Variants in ITGA4 observed in about 807,000 individuals in gnomAD.
ITGA4 encodes integrin subunit alpha 4.
A neutral mutation model predicts 133.6 loss-of-function variants in ITGA4; 63 were observed. The observed-to-expected ratio is 0.47, with a 90% CI of 0.38 to 0.58. ITGA4 has a LOEUF of 0.58. Among genes scored for constraint, ITGA4 ranks in the 20% least tolerant of loss-of-function variants. ITGA4 has a pLI of 0.00. For synonymous variants in ITGA4, 483 were observed against 438.0 expected (o/e 1.10, Z -1.28); for missense variants, 1,076 against 1,252.7 (o/e 0.86, Z 2.13).
In ITGA4 at chr2:181,460,566, A is replaced by AGTGTGTGTGT. The variant is rs61016862; in HGVS notation, c.319+2277_319+2286dup. The stretch of plus-strand genomic sequence containing the variant: ...ATATATAAGCCATCTTCTGTAGAAG[A>AGTGTGTGTGT]GTGTGTGTGTGTGTGTGTGTGTGTG... On this transcript the variant is annotated intron_variant, in intron 2 of 27. Transcript: ENST00000397033. Among the ~76,000 whole-genome samples the AGTGTGTGTGT allele has an allele frequency of 1.7e-4, 25 of 148,068 alleles. No homozygotes were observed. The East Asian group carries it at 2.9e-3, about 17-fold the overall frequency.
intron 2 of ITGA4, among the ~76,000 whole-genome samples, chr2:181,460,215 A>G (rs1685235570): frequency 6.6e-6 from 1 of 152,248 alleles, no homozygotes; most frequent in South Asian, 2.1e-4. Context: ...GATGAAAGGA[A>G]AAAAGGCAAG....
intron 2 of ITGA4, among the ~76,000 whole-genome samples, chr2:181,465,577 T>C (rs936633170): frequency 6.6e-6 from 1 of 152,202 alleles, no homozygotes; most frequent in Non-Finnish European, 1.5e-5. Context: ...ACATTAGTGA[T>C]TGTTTTTCAA....
In ITGA4 at chr2:181,457,477, C is replaced by CA; in HGVS notation, c.-178_-177insA. On this transcript the variant is annotated 5_prime_UTR_variant, in exon 1 of 28. Coordinates refer to ENST00000397033, the MANE Select transcript of ITGA4 (RefSeq NM_000885.6). ...GCGGCATCCCAGGCCGGCCCGAACG[C>CA]TCCGCCCGCGGTGGGCCGACTTCCC... 1 of 609,330 alleles carries CA rather than the reference C, an allele frequency of 1.6e-6. No individual in the cohort carries two copies. The highest frequency in any genetic ancestry group is 2.0e-5 in the South Asian group (1 of 49,268). 37.7% of individuals were successfully genotyped at this position (609,330 alleles called of 1,614,324 possible). A position where few individuals can be genotyped will look rare whatever the true frequency, so the allele number is the denominator to read the frequency against.
chr2:181,522,318 T>C lies in ITGA4; in HGVS notation c.2050T>C (p.Tyr684His), dbSNP rs914276792. The C allele has an allele frequency of 6.2e-6, 10 of 1,605,586 alleles. No homozygotes were observed. The East Asian group carries it at 2.2e-4, about 36-fold the overall frequency. ...ACATGTCAAACTACCCGTGGGTCTT[T>C]ATTTCATTAAGATTTTAGAGCTGGT... is the stretch of plus-strand genomic sequence containing the variant. ...TLHVKLPVGL[Y>H]FIKILELEEK... Residue 684 changes from tyrosine to histidine, a missense_variant, in exon 18 of 28, where the codon TAT (tyrosine) becomes CAT (histidine). By Grantham distance (83) the Tyr-to-His change is moderately conservative. Around this residue, in one of 4 missense-constraint regions of ITGA4, gnomAD observed 365 missense variants for 421.4 expected, o/e 0.87. Transcript: ENST00000397033.
Position 181,523,602 on chromosome 2 carries a change from G to C in ITGA4, c.2169+70G>C, listed in dbSNP as rs2105766046. On this transcript the variant is annotated intron_variant, in intron 19 of 27. Transcript: ENST00000397033. This position sits in a 1 kb window ranked among gnomAD's most constrained non-coding sequence, Gnocchi z 4.2. ...TTTTTTCTATTCTTCCCTATCTTTA[G>C]GTTGCATAGAAAATATTATAAATAT... The C allele has an allele frequency of 1.2e-6, 1 of 816,648 alleles. No individual in the cohort carries two copies. The highest frequency in any genetic ancestry group is 1.6e-5 in the South Asian group (1 of 62,642). 50.6% of individuals were successfully genotyped at this position (816,648 alleles called of 1,614,324 possible).
At chr2:181,525,427 T>C (rs1686814291) in intron 21 of ITGA4, 136 bp downstream of exon 21, 1 of 566,394 alleles carries the variant, frequency 1.8e-6, no homozygotes, top group South Asian at 2.5e-5. Context: ...AATTACCTCA[T>C]TGTTATAGTC....
intron 15 of ITGA4, among the ~76,000 whole-genome samples, chr2:181,499,533 A>G (rs1686224979): frequency 6.6e-6 from 1 of 152,148 alleles, no homozygotes; most frequent in Non-Finnish European, 1.5e-5. Context: ...CTGGGATTTC[A>G]AATAGTAGCT....
Position 181,523,103 on chromosome 2 carries a change from A to G in ITGA4, c.2074-334A>G, listed in dbSNP as rs1409586271. Among the ~76,000 whole-genome samples, 2 of 152,060 alleles carry G rather than the reference A, an allele frequency of 1.3e-5. No individual in the cohort carries two copies. Among genetic ancestry groups the G allele is most frequent in the Non-Finnish European group, 2.9e-5 (2 of 67,992 alleles). ...GAATATATCAAGATAAATGAAAGCT[A>G]CAAGTCCAGAATTTTTTTTTTGTGG... On this transcript the variant is annotated intron_variant, in intron 18 of 27. Coordinates refer to ENST00000397033, the MANE Select transcript of ITGA4 (RefSeq NM_000885.6). The surrounding 1 kb of genome is among the most constrained non-coding windows in gnomAD (Gnocchi z 4.2).
intron 7 of ITGA4, among the ~76,000 whole-genome samples, chr2:181,481,934 AATGT>A (rs1685814689): frequency 6.6e-6 from 1 of 152,210 alleles, no homozygotes; most frequent in Admixed American, 6.6e-5. Context: ...ACTATCTAAA[AATGT>A]CCAGGGAGTA....
intron 2 of ITGA4, among the ~76,000 whole-genome samples, chr2:181,473,827 A>G (rs981554577): frequency 1.8e-4 from 28 of 152,180 alleles, no homozygotes; most frequent in African/African-American, 6.0e-4. Flanking sequence ...ATTAGTTTGT[A>G]TCTCTGTAAG....
At chr2:181,529,973 C>A (rs1004964957) in intron 23 of ITGA4, among the ~76,000 whole-genome samples, 26 of 152,148 alleles carry the variant, frequency 1.7e-4, no homozygotes, top group African/African-American at 6.0e-4. Flanking sequence ...TAGTAGAATT[C>A]TTCATAAAAC....
At chr2:181,484,038 G>T (rs1416621499) in intron 9 of ITGA4, among the ~76,000 whole-genome samples, 1 of 152,156 alleles carries the variant, frequency 6.6e-6, no homozygotes, top group Non-Finnish European at 1.5e-5. Flanking sequence ...CTCTGATGTA[G>T]ATTAGTCTTC....
rs200762213 is a variant in ITGA4 at position 181,457,762 on chromosome 2, G to A, written c.108G>A (p.Val36=). The change falls in exon 1 of 28, where the codon GTG becomes GTA. Residue 36 remains valine (V), a synonymous_variant. Transcript: ENST00000397033. ...TCCCGACCGGCCGCCCCTACAACGT[G>A]GACACTGAGAGCGCGCTGCTTTACC... is the stretch of plus-strand genomic sequence containing the variant. ...LGVPTGRPYN[V]DTESALLYQG... 6.8e-6 allele frequency: 11 copies of A among 1,613,604 alleles called. No individual in the cohort carries two copies. Among genetic ancestry groups the A allele is most frequent in the South Asian group, 1.1e-5 (1 of 91,022 alleles).
chr2:181,459,823 T>A (rs887303657), intron 2 of ITGA4, among the ~76,000 whole-genome samples: 1 of 152,236 alleles, frequency 6.6e-6, no homozygotes, highest in Non-Finnish European at 1.5e-5. Flanking sequence ...TGTCATAGTT[T>A]CCTGATCCAT....
rs1466146020 is a variant in ITGA4 at position 181,523,501 on chromosome 2, T to A, written c.2138T>A (p.Ile713Asn). ...NSGVVQLDCSIGYIYVDHLSR... is the reference protein window; with the variant it reads ...NSGVVQLDCSNGYIYVDHLSR... ...GGCGTGGTACAACTTGACTGCAGTA[T>A]TGGCTATATATATGTAGATCATCTC... The change falls in exon 19 of 28, where the codon ATT becomes AAT. Residue 713 changes from isoleucine to asparagine, a missense_variant. By Grantham distance (149) the Ile-to-Asn change is moderately radical. Coordinates refer to ENST00000397033, the MANE Select transcript of ITGA4 (RefSeq NM_000885.6). The surrounding 1 kb of genome is among the most constrained non-coding windows in gnomAD (Gnocchi z 4.2). The A allele has an allele frequency of 6.2e-7, 1 of 1,602,396 alleles. No homozygotes were observed. Among genetic ancestry groups the A allele is most frequent in the Non-Finnish European group, 8.6e-7 (1 of 1,169,554 alleles).
chr2:181,531,186 C>T (rs1686938278), intron 24 of ITGA4, among the ~76,000 whole-genome samples: 1 of 151,992 alleles, frequency 6.6e-6, no homozygotes, highest in Admixed American at 6.6e-5. Flanking sequence ...GCCAACAAGA[C>T]ATTGTTCCAG....
Position 181,534,920 on chromosome 2 carries a change from A to G in ITGA4, c.2988A>G (p.Ser996=). Residue 996 remains serine, a synonymous_variant, in exon 27 of 28, where the codon TCA becomes TCG. Coordinates refer to ENST00000397033, the MANE Select transcript of ITGA4 (RefSeq NM_000885.6). Reference sequence around the variant, plus strand: ...GACTTATTGTACTTCTATTGATCTCATATGTTATGTGGAAGGTAAGCATTT... The same window carrying G: ...GACTTATTGTACTTCTATTGATCTCGTATGTTATGTGGAAGGTAAGCATTT... ...LLGLIVLLLI[S]YVMWKAGFFK... 3.2e-6 allele frequency: 5 copies of G among 1,577,538 alleles called. No individual in the cohort carries two copies. The highest frequency in any genetic ancestry group is 4.3e-6 in the Non-Finnish European group (5 of 1,167,990).
chr2:181,511,837 T>C, intron 17 of ITGA4, 62 bp downstream of exon 17: 1 of 771,164 alleles, frequency 1.3e-6, no homozygotes, highest in South Asian at 1.6e-5. Context: ...GTGTGTGCAT[T>C]TGCATTCCCA....
intron 17 of ITGA4, among the ~76,000 whole-genome samples, chr2:181,513,445 AATT>A (rs1162404819): frequency 6.6e-6 from 1 of 152,040 alleles, no homozygotes; most frequent in African/African-American, 2.4e-5. Flanking sequence ...TGATATCCAG[AATT>A]ATTAAGTACT....
Sources: gnomAD v4.1 joint callset for allele counts (sites outside exome capture counted in the v4.1 genomes callset) on GRCh38, gnomAD v4.1.1 for gene constraint, gnomAD v4.1.1 regional missense constraint, Gnocchi (gnomAD v3.1) non-coding constraint, MANE v1.5 for transcripts, NCBI Gene and HGNC (gene_info 2026-07-23, HGNC 2026-07-21) for gene names.